AGBL4: variants seen among roughly 807,000 people sequenced by gnomAD.
AGBL4 encodes cytosolic carboxypeptidase 6.
Under a neutral mutation model 66.4 loss-of-function variants are expected in AGBL4, and 58 were observed. The ratio of observed to expected loss-of-function variants is 0.87; its 90% CI spans 0.71 to 1.09. The LOEUF is 1.09. AGBL4 is among the 50% of genes least tolerant of loss of function. The pLI is 0.00. For missense variants in AGBL4, 579 were observed against 631.0 expected (o/e 0.92, Z 0.88); for synonymous variants, 234 against 222.9 (o/e 1.05, Z -0.44).
At chr1:49,800,516 TC>T (rs1319011524) in intron 2 of AGBL4, among the ~76,000 whole-genome samples, 1 of 89,196 alleles carries the variant, frequency 1.1e-5, no homozygotes, top group Non-Finnish European at 2.2e-5. Context: ...CCCTCCCCCC[TC>T]CCCCCACCCC....
At chr1:48,754,954 G>T (rs1652316945) in intron 6 of AGBL4, among the ~76,000 whole-genome samples, 1 of 152,150 alleles carries the variant, frequency 6.6e-6, no homozygotes, top group South Asian at 2.1e-4. Flanking sequence ...TTCCTCATCA[G>T]CAAAATGACG....
chr1:48,916,524 AGTT>A (rs1417250960), intron 5 of AGBL4, among the ~76,000 whole-genome samples: 2 of 151,836 alleles, frequency 1.3e-5, no homozygotes, highest in Non-Finnish European at 2.9e-5. Context: ...AATTTCCTGT[AGTT>A]CCGTTTTTTG....
At chr1:50,014,191 T>A (rs369573254) in intron 1 of AGBL4, among the ~76,000 whole-genome samples, 2 of 151,764 alleles carry the variant, frequency 1.3e-5, no homozygotes, top group South Asian at 4.2e-4. Flanking sequence ...GCCAACACGG[T>A]GAAACCCTGT....
At chr1:49,061,321 A>G (rs1644397438) in intron 4 of AGBL4, among the ~76,000 whole-genome samples, 1 of 152,184 alleles carries the variant, frequency 6.6e-6, no homozygotes, top group Non-Finnish European at 1.5e-5. Flanking sequence ...GCATAGATAC[A>G]TGGGGAAGCA....
chr1:49,365,133 T>C (rs888153589), intron 3 of AGBL4, among the ~76,000 whole-genome samples: 2 of 152,216 alleles, frequency 1.3e-5, no homozygotes, highest in African/African-American at 4.8e-5. Context: ...TTGAAGCACA[T>C]ATAAAACTGT....
At chr1:49,037,156 G>A (rs960604208) in intron 5 of AGBL4, among the ~76,000 whole-genome samples, 1 of 152,126 alleles carries the variant, frequency 6.6e-6, no homozygotes, top group African/African-American at 2.4e-5. Flanking sequence ...AAGTTTGAAT[G>A]AAATCCCTAT....
intron 3 of AGBL4, among the ~76,000 whole-genome samples, chr1:49,249,260 A>G (rs1394256166): frequency 5.9e-5 from 9 of 152,210 alleles, no homozygotes; most frequent in Admixed American, 5.9e-4. Context: ...ATGCACAGCA[A>G]TGAAAACCAC....
chr1:48,893,028 C>T (rs1406831468), intron 5 of AGBL4, among the ~76,000 whole-genome samples: 1 of 152,066 alleles, frequency 6.6e-6, no homozygotes, highest in African/African-American at 2.4e-5. Flanking sequence ...AAAGGAGAAA[C>T]CTTCTGGAGT....
intron 5 of AGBL4, among the ~76,000 whole-genome samples, chr1:48,994,218 T>G (rs1281991944): frequency 6.6e-6 from 1 of 152,180 alleles, no homozygotes; most frequent in East Asian, 1.9e-4. Flanking sequence ...TCTATACCTG[T>G]GCCTGTGCCA....
chr1:49,130,751 G>A (rs1645874872), intron 4 of AGBL4, among the ~76,000 whole-genome samples: 1 of 152,078 alleles, frequency 6.6e-6, no homozygotes, highest in Non-Finnish European at 1.5e-5. Context: ...GTAGCGTGAT[G>A]CCTCCAGCTT....
intron 6 of AGBL4, among the ~76,000 whole-genome samples, chr1:48,816,053 G>C (rs1037296276): frequency 2.7e-5 from 1 of 37,288 alleles, no homozygotes; most frequent in Non-Finnish European, 8.7e-5. Flanking sequence ...TTTTGTGTGT[G>C]TGTGTGTGTG....
intron 4 of AGBL4, among the ~76,000 whole-genome samples, chr1:49,109,856 T>G (rs1033900956): frequency 1.3e-5 from 2 of 152,184 alleles, no homozygotes; most frequent in African/African-American, 2.4e-5. Context: ...TACTATGTTT[T>G]TAGCAAATAG....
chr1:48,526,987 A>G, the AGBL4 span, among the ~76,000 whole-genome samples: 1 of 152,132 alleles, frequency 6.6e-6, no homozygotes, highest in Non-Finnish European at 1.5e-5. Flanking sequence ...GCTGCCTTTA[A>G]TGCTGAGTTG....
At chr1:49,355,827 C>G (rs1644007547) in intron 3 of AGBL4, among the ~76,000 whole-genome samples, 1 of 152,158 alleles carries the variant, frequency 6.6e-6, no homozygotes, top group Admixed American at 6.5e-5. Context: ...CATGTCACTT[C>G]CTCATAAAGC....
intron 4 of AGBL4, among the ~76,000 whole-genome samples, chr1:49,052,458 C>G (rs574527681): frequency 6.6e-6 from 1 of 152,110 alleles, no homozygotes; most frequent in African/African-American, 2.4e-5. Context: ...ATTCTTCCCC[C>G]GTGCCTCTGT....
intron 1 of AGBL4, among the ~76,000 whole-genome samples, chr1:49,874,953 C>A (rs1356862104): frequency 7.0e-6 from 1 of 142,794 alleles, no homozygotes; most frequent in Non-Finnish European, 1.5e-5. Context: ...TTAGGTATAT[C>A]TCCCAATGCT....
intron 2 of AGBL4, among the ~76,000 whole-genome samples, chr1:49,717,050 CCTT>C (rs1487691206): frequency 1.3e-5 from 2 of 152,070 alleles, no homozygotes; most frequent in African/African-American, 4.8e-5. Context: ...CCCAAAATCT[CCTT>C]AAGCTGATAA....
chr1:48,620,014 C>T (rs1645384640), intron 9 of AGBL4, among the ~76,000 whole-genome samples: 1 of 152,144 alleles, frequency 6.6e-6, no homozygotes, highest in African/African-American at 2.4e-5. Context: ...CACATGCACA[C>T]ATACCCAAAC....
At chr1:49,231,304 G>T (rs1281235042) in intron 4 of AGBL4, among the ~76,000 whole-genome samples, 1 of 152,168 alleles carries the variant, frequency 6.6e-6, no homozygotes, top group Non-Finnish European at 1.5e-5. Flanking sequence ...AAGGTGAATT[G>T]CTAGGGAAGG....
Sources: allele counts gnomAD v4.1 joint callset (sites outside exome capture counted in the v4.1 genomes callset), GRCh38; gene constraint gnomAD v4.1.1; transcripts MANE v1.5; gene names NCBI Gene and HGNC (gene_info 2026-07-23, HGNC 2026-07-21).